The following KSR2 variants were observed in gnomAD, a reference collection of about 807,000 sequenced individuals.
KSR2 encodes the protein kinase suppressor of ras 2.
Under a neutral mutation model 107.8 loss-of-function variants are expected in KSR2, and 25 were observed. The observed-to-expected ratio is 0.23, with a 90% CI of 0.17 to 0.32. The LOEUF is 0.32. Ranked by LOEUF, KSR2 falls within the 10% of genes least tolerant of loss-of-function variation. KSR2 has a pLI of 1.00. For missense variants in KSR2, 887 were observed against 1,268.9 expected, an observed-to-expected ratio of 0.70 and a Z score of 4.57; for synonymous variants, 480 against 507.0, an observed-to-expected ratio of 0.95 and a Z score of 0.71.
chr12:117,644,543 C>G (rs1017818260), intron 5 of KSR2, among the ~76,000 whole-genome samples: 27 of 152,076 alleles, frequency 1.8e-4, no homozygotes, highest in Admixed American at 1.8e-3. Flanking sequence ...TGTCATTGGA[C>G]CAGAGTGCAG....
intron 3 of KSR2, among the ~76,000 whole-genome samples, chr12:117,767,335 G>C (rs1256482672): frequency 6.6e-6 from 1 of 151,678 alleles, no homozygotes; most frequent in African/African-American, 2.4e-5. Context: ...TGAGCTGGAG[G>C]CTGAGGCAGG....
chr12:117,855,133 G>A (rs959951250), intron 3 of KSR2, among the ~76,000 whole-genome samples: 5 of 152,074 alleles, frequency 3.3e-5, no homozygotes, highest in African/African-American at 1.2e-4. Flanking sequence ...AAAAGACCCT[G>A]GTCTCCTATT....
At chr12:117,938,214 C>T (rs986575913) in intron 1 of KSR2, among the ~76,000 whole-genome samples, 2 of 152,130 alleles carry the variant, frequency 1.3e-5, no homozygotes, top group Admixed American at 1.3e-4. Flanking sequence ...GTACCCAGCA[C>T]GGTGCCTGAC....
intron 1 of KSR2, among the ~76,000 whole-genome samples, chr12:117,962,446 T>C (rs1896686538): frequency 7.7e-6 from 1 of 130,344 alleles, no homozygotes; most frequent in African/African-American, 2.7e-5. Context: ...TTTTGTTTTT[T>C]GGGTTTTTTT....
chr12:117,766,575 G>GT (rs1348392993), intron 3 of KSR2, among the ~76,000 whole-genome samples: 3 of 152,126 alleles, frequency 2.0e-5, no homozygotes, highest in African/African-American at 7.2e-5. Flanking sequence ...AAATGAATCA[G>GT]TAAGTACTCA....
At chr12:117,594,538 GGCGACAGGGTTGTGACAGGTGCTGATT>G (rs201726137) in intron 5 of KSR2, among the ~76,000 whole-genome samples, 1,969 of 152,270 alleles carry the variant, frequency 0.013, 35 homozygotes, top group East Asian at 0.088. Context: ...AGCCTGCTGA[GGCGACAGGGTTGTGACAGGTGCTGATT>G]GCATCCCTGA....
chr12:117,731,671 T>TA (rs964345107), intron 4 of KSR2, among the ~76,000 whole-genome samples: 1 of 152,062 alleles, frequency 6.6e-6, no homozygotes, highest in African/African-American at 2.4e-5. Context: ...CATGGGAGAC[T>TA]CCATTTTGTT....
intron 14 of KSR2, among the ~76,000 whole-genome samples, chr12:117,502,359 C>G (rs1300876243): frequency 6.6e-6 from 1 of 152,076 alleles, no homozygotes; most frequent in Non-Finnish European, 1.5e-5. Flanking sequence ...TCCATCATGC[C>G]AACTGCAGAA....
In KSR2 at chr12:117,498,635, C is replaced by T. The variant is rs551855471; in HGVS notation, c.2220-12944G>A. Reference sequence around the variant, plus strand: ...GATTTGGCTGTGTCCCCACCCAAACCTCATCTTGAATTGTAGCTCCCATAA... The same window carrying T: ...GATTTGGCTGTGTCCCCACCCAAACTTCATCTTGAATTGTAGCTCCCATAA... On this transcript the variant is annotated intron_variant, in intron 14 of 19. Coordinates refer to ENST00000339824, the MANE Select transcript of KSR2 (RefSeq NM_173598.6). 2.7e-4 allele frequency among the ~76,000 whole-genome samples: 41 copies of T among 152,262 alleles called. 1 individual carries two copies. In the South Asian group the frequency reaches 8.5e-3, roughly 32 times the overall value.
chr12:117,792,524 C>T (rs1254626565), intron 3 of KSR2, among the ~76,000 whole-genome samples: 2 of 152,156 alleles, frequency 1.3e-5, no homozygotes, highest in Non-Finnish European at 2.9e-5. Flanking sequence ...TACAAGGGAT[C>T]CTACATGCAA....
chr12:117,668,223 C>A (rs1246012970), intron 4 of KSR2, among the ~76,000 whole-genome samples: 4 of 152,192 alleles, frequency 2.6e-5, no homozygotes, highest in Non-Finnish European at 5.9e-5. Context: ...TAGACTAAGC[C>A]TTCGGTAGGA....
At chr12:117,515,263 C>T (rs1397059732) in intron 14 of KSR2, among the ~76,000 whole-genome samples, 1 of 152,208 alleles carries the variant, frequency 6.6e-6, no homozygotes, top group Non-Finnish European at 1.5e-5. Flanking sequence ...CTTTTCATCA[C>T]TGTTACTTCT....
At chr12:117,510,577 G>C (rs1206093253) in intron 14 of KSR2, among the ~76,000 whole-genome samples, 2 of 152,202 alleles carry the variant, frequency 1.3e-5, no homozygotes, top group Non-Finnish European at 2.9e-5. Context: ...AGTGCTAGCA[G>C]TAACAATGTC....
At chr12:117,937,641 T>G (rs996493836) in intron 1 of KSR2, among the ~76,000 whole-genome samples, 5 of 151,472 alleles carry the variant, frequency 3.3e-5, no homozygotes, top group African/African-American at 1.2e-4. Flanking sequence ...GACAGGAAAA[T>G]ATGTGGTCCT....
At position 117,968,309 on chromosome 12, in the gene KSR2, G is replaced by GA. The variant is rs999051967; in HGVS notation, c.-55_-54insT. The GA allele has an allele frequency of 1.0e-5, 15 of 1,455,972 alleles. 1 individual carries two copies. Among genetic ancestry groups the GA allele is most frequent in the African/African-American group, 2.9e-5 (2 of 69,164 alleles). 90.2% of individuals were successfully genotyped at this position (1,455,972 alleles called of 1,614,324 possible). ...TCCTCCTCCCAGAGAGAAAAAAGAG[G>GA]GGGGGGAGTAGAGGTAGTCTACCCT... On this transcript the variant is annotated 5_prime_UTR_variant, in exon 1 of 20. Transcript: ENST00000339824.
In KSR2 at chr12:117,723,805, AT is replaced by A. The variant is rs577518414; in HGVS notation, c.986+37205del. Among the ~76,000 whole-genome samples, 4 of 152,242 alleles carry A rather than the reference AT, an allele frequency of 2.6e-5. No homozygotes were observed. The South Asian group carries it at 8.3e-4, about 32-fold the overall frequency. On this transcript the variant is annotated intron_variant, in intron 4 of 19. Coordinates refer to ENST00000339824, the MANE Select transcript of KSR2 (RefSeq NM_173598.6). ...GAGTCTTCAACCATTTCATAATATCATTTTTTAAAAAAATCTAATACGGGAT... is the reference window on the plus strand; with the variant it reads ...GAGTCTTCAACCATTTCATAATATCATTTTTAAAAAAATCTAATACGGGAT...
At chr12:117,927,561 C>T (rs1355436356) in intron 1 of KSR2, among the ~76,000 whole-genome samples, 1 of 151,780 alleles carries the variant, frequency 6.6e-6, no homozygotes, top group Non-Finnish European at 1.5e-5. Context: ...AGTGTGGTGG[C>T]ACGAGCCTGT....
intron 1 of KSR2, among the ~76,000 whole-genome samples, chr12:117,964,373 C>T (rs908323711): frequency 2.1e-4 from 32 of 152,234 alleles, no homozygotes; most frequent in African/African-American, 7.2e-4. Context: ...CTCAACCCTT[C>T]CCAAACTTAT....
chr12:117,962,144 CT>C (rs1896679583), intron 1 of KSR2, among the ~76,000 whole-genome samples: 1 of 84,998 alleles, frequency 1.2e-5, no homozygotes, highest in Non-Finnish European at 2.3e-5. Context: ...GACCCTGTCT[CT>C]TTAAAAAAAA....
Sources: allele counts gnomAD v4.1 joint callset (sites outside exome capture counted in the v4.1 genomes callset), GRCh38; gene constraint gnomAD v4.1.1; transcripts MANE v1.5; gene names NCBI Gene and HGNC (gene_info 2026-07-23, HGNC 2026-07-21).